C1orf167: variants seen among roughly 807,000 people sequenced by gnomAD.
C1orf167 encodes the protein chromosome 1 open reading frame 167.
C1orf167 carries 153 observed loss-of-function variants against 176.5 expected under a neutral mutation model. That is an observed-to-expected ratio of 0.87 (90% CI 0.76 to 0.99). The LOEUF is 0.99. C1orf167 is among the 50% of genes least tolerant of loss of function. The pLI, the probability that C1orf167 is intolerant of heterozygous loss-of-function variation, is 0.00. For synonymous variants in C1orf167, 594 were observed against 752.7 expected, an observed-to-expected ratio of 0.79 and a Z score of 3.45; for missense variants, 1,490 against 1,817.7, an observed-to-expected ratio of 0.82 and a Z score of 3.28.
chr1:11,764,876 G>A (rs1236522079), intron 2 of C1orf167, among the ~76,000 whole-genome samples: 3 of 152,150 alleles, frequency 2.0e-5, no homozygotes, highest in South Asian at 4.2e-4. Flanking sequence ...CCAATGTGGT[G>A]AAACTGCGTC....
chr1:11,764,183 C>T (rs1042869842), intron 1 of C1orf167, 148 bp from the exon 2 acceptor site: 1 of 350,430 alleles, frequency 2.9e-6, no homozygotes, highest in Admixed American at 3.7e-5. Flanking sequence ...GGGAGAGGAG[C>T]CACTGAGAGA....
chr1:11,779,161 A>C, intron 12 of C1orf167, 81 bp downstream of exon 12: 1 of 1,178,078 alleles, frequency 8.5e-7, no homozygotes, highest in Non-Finnish European at 1.1e-6. Context: ...CTTGGCCTTC[A>C]CAGCAGCAGC....
At position 11,788,066 on chromosome 1, in the gene C1orf167, G is replaced by A; in HGVS notation, c.3848+19G>A. ...GGCTACGGTAAGAGGAGCTGTGTGT[G>A]CAGTTTGGTGGGTCCGAGGGATGGG... On this transcript the variant is annotated intron_variant, in intron 18 of 20. Transcript: ENST00000688073. 5 of 1,286,602 alleles carry A rather than the reference G, an allele frequency of 3.9e-6. No homozygotes were observed. The highest frequency in any genetic ancestry group is 5.1e-6 in the Non-Finnish European group (5 of 977,190). The allele number at this position is 1,286,602 out of a possible 1,614,324, so 79.7% of individuals were successfully genotyped here. A position where few individuals can be genotyped will look rare whatever the true frequency, so the allele number is the denominator to read the frequency against.
At position 11,784,205 on chromosome 1, in the gene C1orf167, G is replaced by C; in HGVS notation, c.3037G>C (p.Asp1013His). 7 of 1,262,104 alleles carry C rather than the reference G, an allele frequency of 5.5e-6. No homozygotes were observed. The highest frequency in any genetic ancestry group is 7.2e-6 in the Non-Finnish European group (7 of 967,024). 78.2% of individuals were successfully genotyped at this position (1,262,104 alleles called of 1,614,324 possible). ...YFQAWCEVVRDTGVLRAQHQA... is the reference protein window; with the variant it reads ...YFQAWCEVVRHTGVLRAQHQA... Reference sequence around the variant, plus strand: ...CCAGGCCTGGTGTGAGGTTGTAAGAGACACGGGGGTGCTCCGGGCCCAGCA... The same window carrying C: ...CCAGGCCTGGTGTGAGGTTGTAAGACACACGGGGGTGCTCCGGGCCCAGCA... The change falls in exon 15 of 21, where the codon GAC becomes CAC. Residue 1013 changes from aspartate to histidine, a missense_variant. Coordinates refer to ENST00000688073, the MANE Select transcript of C1orf167 (RefSeq NM_001010881.2).
Position 11,776,634 on chromosome 1 carries a change from G to C in C1orf167, c.2335G>C (p.Ala779Pro), listed in dbSNP as rs147301277. 2.5e-5 allele frequency: 30 copies of C among 1,197,216 alleles called. No individual in the cohort carries two copies. In the African/African-American group the frequency reaches 4.6e-4, roughly 18 times the overall value. The allele number at this position is 1,197,216 out of a possible 1,614,324, so 74.2% of individuals were successfully genotyped here. A position where few individuals can be genotyped will look rare whatever the true frequency, so the allele number is the denominator to read the frequency against. Reference protein sequence around the residue: ...WKMRLFQRQWANSFFQGLQQR... With the variant: ...WKMRLFQRQWPNSFFQGLQQR... ...GATGCGGCTTTTCCAGCGCCAGTGG[G>C]CCAAGTAGGTGTCCTCGAGCTTGTG... is the stretch of plus-strand genomic sequence containing the variant. Residue 779 changes from alanine (A) to proline (P), a missense_variant, in exon 10 of 21, where the codon GCC (alanine) becomes CCC (proline). Physicochemically the swap from Ala to Pro is conservative, Grantham distance 27. Coordinates refer to ENST00000688073, the MANE Select transcript of C1orf167 (RefSeq NM_001010881.2).
In C1orf167 at chr1:11,768,703, C is replaced by G. The variant is rs1272687022; in HGVS notation, c.1543-270C>G. On this transcript the variant is annotated intron_variant, in intron 5 of 20. Transcript: ENST00000688073. The surrounding 1 kb of genome is among the most constrained non-coding windows in gnomAD (Gnocchi z 4.5). The stretch of plus-strand genomic sequence containing the variant: ...CTGGGAGGGAGCATCTGTGTCCTTC[C>G]CTCCTTGGGAAAGGGGTGCTCTGAG... 6.6e-6 allele frequency among the ~76,000 whole-genome samples: 1 copy of G among 152,156 alleles called. No individual in the cohort carries two copies. Among genetic ancestry groups the G allele is most frequent in the African/African-American group, 2.4e-5 (1 of 41,432 alleles).
Position 11,788,065 on chromosome 1 carries a change from T to G in C1orf167, c.3848+18T>G, listed in dbSNP as rs888812627. 1.6e-5 allele frequency: 21 copies of G among 1,286,254 alleles called. 1 individual carries two copies. The highest frequency in any genetic ancestry group is 1.2e-4 in the Admixed American group (5 of 42,418). 79.7% of individuals were successfully genotyped at this position (1,286,254 alleles called of 1,614,324 possible). ...AGGCTACGGTAAGAGGAGCTGTGTG[T>G]GCAGTTTGGTGGGTCCGAGGGATGG... On this transcript the variant is annotated intron_variant, in intron 18 of 20. Coordinates refer to ENST00000688073, the MANE Select transcript of C1orf167 (RefSeq NM_001010881.2).
In C1orf167 at chr1:11,764,344, A is replaced by T; in HGVS notation, c.-57A>T. On this transcript the variant is annotated 5_prime_UTR_variant, in exon 2 of 21. Coordinates refer to ENST00000688073, the MANE Select transcript of C1orf167 (RefSeq NM_001010881.2). ...CTCTCCCCGCAGGGCCCATCTGATTAAACAGACCAGGCCACTCACTGTGGA... is the reference window on the plus strand; with the variant it reads ...CTCTCCCCGCAGGGCCCATCTGATTTAACAGACCAGGCCACTCACTGTGGA... 1 of 1,256,700 alleles carries T rather than the reference A, an allele frequency of 8.0e-7. No homozygotes were observed. The highest frequency in any genetic ancestry group is 1.0e-6 in the Non-Finnish European group (1 of 959,052). 77.8% of individuals were successfully genotyped at this position (1,256,700 alleles called of 1,614,324 possible). A position where few individuals can be genotyped will look rare whatever the true frequency, so the allele number is the denominator to read the frequency against.
At position 11,766,878 on chromosome 1, in the gene C1orf167, C is replaced by T. The variant is rs914264800; in HGVS notation, c.1092C>T (p.Gly364=). ...GCTGCTCCCCCTGGTCTCAAGATGGCAGGGCACAGAGGGGTGACCCCAGTC... is the reference window on the plus strand; with the variant it reads ...GCTGCTCCCCCTGGTCTCAAGATGGTAGGGCACAGAGGGGTGACCCCAGTC... ...GDSCSPWSQD[G]RAQRGDPSLP... Residue 364 remains glycine, a synonymous_variant, in exon 3 of 21, where the codon GGC becomes GGT. Transcript: ENST00000688073. This position sits in a 1 kb window ranked among gnomAD's most constrained non-coding sequence, Gnocchi z 4.5. 6 of 1,269,164 alleles carry T rather than the reference C, an allele frequency of 4.7e-6. No individual in the cohort carries two copies. In the African/African-American group the frequency reaches 7.6e-5, roughly 16 times the overall value. The allele number at this position is 1,269,164 out of a possible 1,614,324, so 78.6% of individuals were successfully genotyped here.
chr1:11,772,904 A>ATTATTATTATTATTATATTATTATT (rs56228938), intron 8 of C1orf167, among the ~76,000 whole-genome samples: 1 of 146,426 alleles, frequency 6.8e-6, no homozygotes, highest in Non-Finnish European at 1.5e-5. Context: ...CATTATTATT[A>ATTATTATTATTATTATATTATTATT]TTATTATTAT....
At chr1:11,773,348 A>G (rs1643169149) in intron 8 of C1orf167, among the ~76,000 whole-genome samples, 1 of 152,150 alleles carries the variant, frequency 6.6e-6, no homozygotes, top group Non-Finnish European at 1.5e-5. Context: ...GGCAAATCCC[A>G]TGCATTATAC....
At chr1:11,767,594 A>T (rs1642862884) in intron 4 of C1orf167, among the ~76,000 whole-genome samples, 1 of 152,100 alleles carries the variant, frequency 6.6e-6, no homozygotes, top group Non-Finnish European at 1.5e-5. Context: ...AGACTGAGGC[A>T]GGCAGATTGC....
At chr1:11,767,285 G>A (rs1170905552) in intron 4 of C1orf167, 21 bp downstream of exon 4, 3 of 1,281,750 alleles carry the variant, frequency 2.3e-6, no homozygotes, top group South Asian at 2.5e-5. Context: ...GGCTGGGTGG[G>A]GACAGGGGTT....
rs1276215195 is a variant in C1orf167, at chr1:11,766,769, A to C, written c.983A>C (p.Glu328Ala). ...SWAQSKLMSP[E>A]TTLGTRTKDS... Reference sequence around the variant, plus strand: ...GCACAAAGCAAGCTAATGTCACCTGAGACCACTTTGGGGACACGGACCAAG... The same window carrying C: ...GCACAAAGCAAGCTAATGTCACCTGCGACCACTTTGGGGACACGGACCAAG... Residue 328 changes from glutamate (E) to alanine (A), a missense_variant, in exon 3 of 21, where the codon GAG becomes GCG. Glu to Ala is a moderately radical substitution (Grantham distance 107). Coordinates refer to ENST00000688073, the MANE Select transcript of C1orf167 (RefSeq NM_001010881.2). This position sits in a 1 kb window ranked among gnomAD's most constrained non-coding sequence, Gnocchi z 4.5. 1.6e-6 allele frequency: 2 copies of C among 1,289,766 alleles called. No individual in the cohort carries two copies. The highest frequency in any genetic ancestry group is 2.3e-5 in the Admixed American group (1 of 43,562). The allele number at this position is 1,289,766 out of a possible 1,614,324, so 79.9% of individuals were successfully genotyped here. A position where few individuals can be genotyped will look rare whatever the true frequency, so the allele number is the denominator to read the frequency against.
At position 11,771,964 on chromosome 1, in the gene C1orf167, T is replaced by A. The variant is rs1269694863; in HGVS notation, c.1811-118T>A. 3.6e-5 allele frequency: 27 copies of A among 740,824 alleles called. No homozygotes were observed. The South Asian group carries it at 4.3e-4, about 12-fold the overall frequency. The allele number at this position is 740,824 out of a possible 1,614,324, so 45.9% of individuals were successfully genotyped here. A position where few individuals can be genotyped will look rare whatever the true frequency, so the allele number is the denominator to read the frequency against. ...CTGGAGTATTGGAGCTAGACTTCAC[T>A]TACTCAGAGATGGGGGGTGCCCTGC... On this transcript the variant is annotated intron_variant, in intron 7 of 20. Coordinates refer to ENST00000688073, the MANE Select transcript of C1orf167 (RefSeq NM_001010881.2).
Position 11,767,264 on chromosome 1 carries a change from G to T in C1orf167, c.1343G>T (p.Cys448Phe). 3.1e-6 allele frequency: 4 copies of T among 1,289,632 alleles called. No homozygotes were observed. Among genetic ancestry groups the T allele is most frequent in the African/African-American group, 1.5e-5 (1 of 65,934 alleles). 79.9% of individuals were successfully genotyped at this position (1,289,632 alleles called of 1,614,324 possible). A position where few individuals can be genotyped will look rare whatever the true frequency, so the allele number is the denominator to read the frequency against. The change falls in exon 4 of 21, where the codon TGC (cysteine) becomes TTC (phenylalanine). Residue 448 changes from cysteine (C) to phenylalanine (F), a missense_variant and splice_region_variant. Coordinates refer to ENST00000688073, the MANE Select transcript of C1orf167 (RefSeq NM_001010881.2). ...ACAGCCCCAGAGTCTGAGGCAATCT[G>T]GTGAGGCCATGGCTGGGTGGGGACA... ...NITAPESEAI[C>F]WQLLSRCFRS...
intron 16 of C1orf167, chr1:11,786,135 A>C (rs1437068813): frequency 6.6e-6 from 1 of 152,024 alleles, no homozygotes; most frequent in Non-Finnish European, 1.5e-5. Flanking sequence ...AATTCTCTCT[A>C]CCCAAAGGCA....
At chr1:11,773,786 T>G (rs1021290932) in intron 8 of C1orf167, among the ~76,000 whole-genome samples, 4 of 152,110 alleles carry the variant, frequency 2.6e-5, no homozygotes, top group African/African-American at 7.2e-5. Flanking sequence ...AAACAACTGT[T>G]CCTTAATACT....
In C1orf167 at chr1:11,779,832, A is replaced by G; in HGVS notation, c.2682A>G (p.Thr894=). The G allele has an allele frequency of 7.7e-7, 1 of 1,302,644 alleles. No individual in the cohort carries two copies. The highest frequency in any genetic ancestry group is 1.0e-6 in the Non-Finnish European group (1 of 988,458). The allele number at this position is 1,302,644 out of a possible 1,614,324, so 80.7% of individuals were successfully genotyped here. Residue 894 remains threonine (T), a synonymous_variant, in exon 13 of 21, where the codon ACA becomes ACG. Transcript: ENST00000688073. The part of the protein sequence containing the change: ...RIFLSWSRWA[T]AQWAWRELAS... ...TCCTCAGCTGGAGCCGCTGGGCAAC[A>G]GCCCAATGGGCCTGGAGAGAGCTGG...
Sources: allele counts gnomAD v4.1 joint callset (sites outside exome capture counted in the v4.1 genomes callset), GRCh38; gene constraint gnomAD v4.1.1; non-coding constraint Gnocchi (gnomAD v3.1); transcripts MANE v1.5; gene names NCBI Gene and HGNC (gene_info 2026-07-23, HGNC 2026-07-21).